Variants in PDE4D observed in about 807,000 individuals in gnomAD.
The protein encoded by PDE4D is phosphodiesterase 4D.
Under a neutral mutation model 87.4 loss-of-function variants are expected in PDE4D, and 24 were observed. That is an observed-to-expected ratio of 0.27 (90% CI 0.20 to 0.39). The LOEUF (loss-of-function observed/expected upper bound fraction) is 0.39. PDE4D is among the 10% of genes least tolerant of loss of function. The pLI is 1.00. For missense variants in PDE4D, 714 were observed against 1,041.0 expected, an observed-to-expected ratio of 0.69 and a Z score of 4.32; for synonymous variants, 384 against 383.2, an observed-to-expected ratio of 1.00 and a Z score of -0.02.
At chr5:59,022,138 ACTGT>A (rs1755284763) in intron 6 of PDE4D, among the ~76,000 whole-genome samples, 1 of 152,110 alleles carries the variant, frequency 6.6e-6, no homozygotes, top group Admixed American at 6.6e-5. Flanking sequence ...TCTACAGCTG[ACTGT>A]CTGTTCTTCC....
At chr5:59,870,828 G>C (rs1052826714) in intron 1 of PDE4D, among the ~76,000 whole-genome samples, 3 of 152,134 alleles carry the variant, frequency 2.0e-5, no homozygotes, top group African/African-American at 4.8e-5. Context: ...ACAGCAGAAA[G>C]GAAACCTAAC....
intron 1 of PDE4D, among the ~76,000 whole-genome samples, chr5:59,389,075 C>G (rs543850738): frequency 6.6e-6 from 1 of 151,990 alleles, no homozygotes; most frequent in Non-Finnish European, 1.5e-5. Context: ...GTTGGTGAAG[C>G]CCCTGAAACT....
chr5:60,131,832 T>C (rs1175118124), intron 2 of PDE4D, among the ~76,000 whole-genome samples: 1 of 152,234 alleles, frequency 6.6e-6, no homozygotes, highest in Non-Finnish European at 1.5e-5. Context: ...ATTACATCTA[T>C]GTTTCTCATT....
intron 1 of PDE4D, among the ~76,000 whole-genome samples, chr5:59,823,513 T>C (rs771098003): frequency 1.3e-4 from 20 of 152,156 alleles, no homozygotes; most frequent in Non-Finnish European, 2.4e-4. Flanking sequence ...AGAGGCTCCA[T>C]TTGAAAGCCT....
At chr5:60,155,532 T>C (rs1411123264) in intron 2 of PDE4D, among the ~76,000 whole-genome samples, 2 of 152,188 alleles carry the variant, frequency 1.3e-5, no homozygotes, top group African/African-American at 4.8e-5. Flanking sequence ...TGAGATGATA[T>C]GGCTCCATTA....
intron 1 of PDE4D, among the ~76,000 whole-genome samples, chr5:59,499,824 A>G (rs969851972): frequency 2.6e-5 from 4 of 152,052 alleles, no homozygotes; most frequent in African/African-American, 9.7e-5. Flanking sequence ...ATGGATTCAC[A>G]GCTGAATTCT....
At chr5:59,913,149 G>A (rs1210536210) in intron 3 of PDE4D, among the ~76,000 whole-genome samples, 2 of 152,152 alleles carry the variant, frequency 1.3e-5, no homozygotes, top group African/African-American at 2.4e-5. Context: ...AGGGCATGAG[G>A]AATATTTCAT....
chr5:60,293,331 G>A (rs935840244), intron 1 of PDE4D, among the ~76,000 whole-genome samples: 2 of 151,824 alleles, frequency 1.3e-5, no homozygotes, highest in African/African-American at 4.8e-5. Flanking sequence ...TGGCTAACAC[G>A]GTGAAACCCC....
intron 1 of PDE4D, among the ~76,000 whole-genome samples, chr5:59,361,692 C>G (rs1235670403): frequency 6.6e-6 from 1 of 152,112 alleles, no homozygotes; most frequent in East Asian, 1.9e-4. Context: ...CCTGATAGAC[C>G]TAAACACTAT....
Position 59,432,002 on chromosome 5 carries a change from T to A in PDE4D, c.456-216034A>T, listed in dbSNP as rs113843888. On this transcript the variant is annotated intron_variant, in intron 1 of 14. Coordinates refer to ENST00000340635, the MANE Select transcript of PDE4D (RefSeq NM_001104631.2). ...CATAGTATTTACCATTTCTATTCAATAATTTTCTTTCTTATATTTTAGGTT... is the reference window on the plus strand; with the variant it reads ...CATAGTATTTACCATTTCTATTCAAAAATTTTCTTTCTTATATTTTAGGTT... Among the ~76,000 whole-genome samples, 11 of 152,246 alleles carry A rather than the reference T, an allele frequency of 7.2e-5. 2 individuals are homozygous for A. The highest frequency in any genetic ancestry group is 2.6e-4 in the African/African-American group (11 of 41,582).
At chr5:59,663,665 C>A (rs1313205984) in intron 1 of PDE4D, among the ~76,000 whole-genome samples, 1 of 152,096 alleles carries the variant, frequency 6.6e-6, no homozygotes, top group Non-Finnish European at 1.5e-5. Context: ...GTATGTTCAA[C>A]CTCCTACAGA....
intron 1 of PDE4D, among the ~76,000 whole-genome samples, chr5:59,871,007 G>A (rs1167467395): frequency 5.3e-5 from 8 of 152,124 alleles, no homozygotes; most frequent in Admixed American, 3.9e-4. Context: ...CATAGAACAC[G>A]ATTGTGGTGG....
rs750415272 is a variant in PDE4D, at chr5:59,002,065, T to C, written c.922-8600A>G. 2.3e-5 allele frequency: 12 copies of C among 516,634 alleles called. No individual in the cohort carries two copies. The East Asian group carries it at 6.6e-4, about 28-fold the overall frequency. 32.0% of individuals were successfully genotyped at this position (516,634 alleles called of 1,614,324 possible). A position where few individuals can be genotyped will look rare whatever the true frequency, so the allele number is the denominator to read the frequency against. On this transcript the variant is annotated intron_variant, in intron 6 of 14. Coordinates refer to ENST00000340635, the MANE Select transcript of PDE4D (RefSeq NM_001104631.2). ...GTTTCTTTCAGTTTATTCCTTACCA[T>C]TACCCCTCCCGTAATCTGAATCCAA... is the stretch of plus-strand genomic sequence containing the variant.
At chr5:60,233,809 A>T (rs745705872) in intron 1 of PDE4D, among the ~76,000 whole-genome samples, 4 of 151,804 alleles carry the variant, frequency 2.6e-5, no homozygotes, top group Non-Finnish European at 4.4e-5. Flanking sequence ...GAGGAAACTG[A>T]GACACAGAGA....
At chr5:59,613,238 A>G (rs900620068) in intron 1 of PDE4D, among the ~76,000 whole-genome samples, 2 of 152,152 alleles carry the variant, frequency 1.3e-5, no homozygotes, top group Admixed American at 6.5e-5. Flanking sequence ...GTGAGGAAAA[A>G]AAGAGTCAAA....
chr5:59,022,248 C>A lies in PDE4D; in HGVS notation c.921+16611G>T, dbSNP rs543233018. On this transcript the variant is annotated intron_variant, in intron 6 of 14. Transcript: ENST00000340635. ...GTCCAACCAGGTTTCACCAAATGAA[C>A]CCTGCGGTGGAAAGGGGCAGCAACG... Among the ~76,000 whole-genome samples the A allele has an allele frequency of 2.8e-4, 42 of 152,268 alleles. No individual in the cohort carries two copies. In the South Asian group the frequency reaches 8.5e-3, roughly 31 times the overall value.
chr5:59,120,378 G>A (rs1182212840), intron 5 of PDE4D, among the ~76,000 whole-genome samples: 1 of 152,174 alleles, frequency 6.6e-6, no homozygotes, highest in African/African-American at 2.4e-5. Context: ...GGAGGTCAGA[G>A]TTATCCATTC....
At chr5:59,165,080 T>C (rs531153540) in intron 5 of PDE4D, 1 of 152,206 alleles carries the variant, frequency 6.6e-6, no homozygotes, top group Admixed American at 6.5e-5. Flanking sequence ...TAAAAAGAAA[T>C]TCAGTGAGAA....
intron 5 of PDE4D, among the ~76,000 whole-genome samples, chr5:59,140,609 G>A (rs1196617180): frequency 6.6e-6 from 1 of 152,146 alleles, no homozygotes; most frequent in Non-Finnish European, 1.5e-5. Context: ...CTCTAGTAAA[G>A]AAGGTTAGAA....
Sources: allele counts gnomAD v4.1 joint callset (sites outside exome capture counted in the v4.1 genomes callset), GRCh38; gene constraint gnomAD v4.1.1; transcripts MANE v1.5; gene names NCBI Gene and HGNC (gene_info 2026-07-23, HGNC 2026-07-21).